Variants in SH3GL3 observed in about 807,000 individuals in gnomAD.
SH3GL3 encodes the protein SH3 domain containing GRB2 like 3, endophilin A3.
SH3GL3 carries 33 observed loss-of-function variants against 47.7 expected under a neutral mutation model. That is an observed-to-expected ratio of 0.69 (90% CI 0.52 to 0.92). SH3GL3 has a LOEUF of 0.92. SH3GL3 is among the 40% of genes least tolerant of loss of function. The probability of loss-of-function intolerance (pLI) is 0.00; values close to 1 mark genes in which losing one functional copy is unlikely to be tolerated. For missense variants in SH3GL3, 363 were observed against 417.8 expected (o/e 0.87, Z 1.14); for synonymous variants, 155 against 148.8 (o/e 1.04, Z -0.30).
At chr15:83,601,830 CTT>C (rs796770350) in intron 8 of SH3GL3, among the ~76,000 whole-genome samples, 1 of 127,876 alleles carries the variant, frequency 7.8e-6, no homozygotes, top group Admixed American at 8.2e-5. Flanking sequence ...TGGTCCTGGA[CTT>C]TTTTTTTTTT....
At chr15:83,591,414 A>G (rs2060093365) in intron 8 of SH3GL3, among the ~76,000 whole-genome samples, 3 of 151,058 alleles carry the variant, frequency 2.0e-5, no homozygotes, top group Admixed American at 6.6e-5. Context: ...TCAAACACAC[A>G]TTGCTCATAT....
intron 1 of SH3GL3, among the ~76,000 whole-genome samples, chr15:83,527,388 G>C (rs2043473456): frequency 6.6e-6 from 1 of 151,708 alleles, no homozygotes. Flanking sequence ...TATATATCTG[G>C]GTGCTTCGGT....
At chr15:83,632,881 G>T in the SH3GL3 span, among the ~76,000 whole-genome samples, 1 of 152,130 alleles carries the variant, frequency 6.6e-6, no homozygotes, top group Non-Finnish European at 1.5e-5. Context: ...AATTTAAAAT[G>T]GTCAAAAGAT....
At chr15:83,596,013 T>C (rs924806451) in intron 8 of SH3GL3, among the ~76,000 whole-genome samples, 6 of 152,214 alleles carry the variant, frequency 3.9e-5, no homozygotes, top group African/African-American at 1.4e-4. Context: ...TTTAGCGCTA[T>C]CAATTTCCCC....
intron 1 of SH3GL3, among the ~76,000 whole-genome samples, chr15:83,540,775 T>C (rs1362658425): frequency 3.9e-5 from 6 of 152,230 alleles, no homozygotes; most frequent in East Asian, 3.8e-4. Flanking sequence ...CACTTATTTC[T>C]TTGTGTTATG....
intron 1 of SH3GL3, among the ~76,000 whole-genome samples, chr15:83,520,372 A>G (rs1448068668): frequency 6.6e-6 from 1 of 152,226 alleles, no homozygotes; most frequent in East Asian, 1.9e-4. Context: ...ACTTGCAGAA[A>G]CATGAGGGAT....
intron 1 of SH3GL3, among the ~76,000 whole-genome samples, chr15:83,548,090 G>T (rs2044492896): frequency 6.6e-6 from 1 of 151,152 alleles, no homozygotes; most frequent in Admixed American, 6.6e-5. Flanking sequence ...CATTAAATTA[G>T]TACTGTATCA....
chr15:83,597,092 T>C (rs972729656), intron 8 of SH3GL3, among the ~76,000 whole-genome samples: 7 of 152,236 alleles, frequency 4.6e-5, no homozygotes, highest in Admixed American at 4.6e-4. Flanking sequence ...ATCTATTTTA[T>C]AGTTCTGGAG....
chr15:83,458,483 A>G (rs900114539), intron 1 of SH3GL3, among the ~76,000 whole-genome samples: 4 of 152,148 alleles, frequency 2.6e-5, no homozygotes, highest in Non-Finnish European at 4.4e-5. Context: ...GCTACTAAGT[A>G]CTTTGCCTGT....
the SH3GL3 span, among the ~76,000 whole-genome samples, chr15:83,630,383 A>G: frequency 6.6e-6 from 1 of 152,244 alleles, no homozygotes; most frequent in African/African-American, 2.4e-5. Context: ...AAGATACATT[A>G]GAAAAATAAA....
At chr15:83,462,509 A>T (rs545152812) in intron 1 of SH3GL3, among the ~76,000 whole-genome samples, 2 of 152,298 alleles carry the variant, frequency 1.3e-5, no homozygotes, top group East Asian at 3.9e-4. Context: ...AATTTAACCC[A>T]GTCATGGAAT....
intron 7 of SH3GL3, 83 bp from the exon 8 acceptor site, chr15:83,588,579 T>C (rs923361953): frequency 1.2e-6 from 1 of 856,736 alleles, no homozygotes. Flanking sequence ...CCTAAGTTCC[T>C]GTGCTCAACA....
chr15:83,576,718 A>G lies in SH3GL3; in HGVS notation c.601A>G (p.Met201Val), dbSNP rs746744566. Residue 201 changes from methionine (M) to valine (V), a missense_variant, in exon 6 of 9, where the codon ATG becomes GTG. Physicochemically the swap from Met to Val is conservative, Grantham distance 21. Coordinates refer to ENST00000427482, the MANE Select transcript of SH3GL3 (RefSeq NM_003027.5). ...GTCAAAGGAGTTGGCTGAAAGAAGC[A>G]TGTTTAACTTTTTAGAAAATGATGT... is the stretch of plus-strand genomic sequence containing the variant. ...EESKELAERS[M>V]FNFLENDVEQ... is the part of the protein sequence containing the mutation. 1.2e-5 allele frequency: 20 copies of G among 1,605,186 alleles called. No homozygotes were observed. Among genetic ancestry groups the G allele is most frequent in the Non-Finnish European group, 1.6e-5 (19 of 1,177,184 alleles).
chr15:83,449,106 C>T (rs751057407), intron 1 of SH3GL3, among the ~76,000 whole-genome samples: 2 of 152,066 alleles, frequency 1.3e-5, no homozygotes, highest in Non-Finnish European at 2.9e-5. Flanking sequence ...AAAGGCACAG[C>T]GAGTTAAAGG....
chr15:83,499,705 A>G (rs1344117770), intron 1 of SH3GL3, among the ~76,000 whole-genome samples: 1 of 152,258 alleles, frequency 6.6e-6, no homozygotes, highest in East Asian at 1.9e-4. Flanking sequence ...AATGGTAAAT[A>G]CCGAGAATTG....
At chr15:83,542,766 G>GT (rs960463324) in intron 1 of SH3GL3, among the ~76,000 whole-genome samples, 1 of 151,956 alleles carries the variant, frequency 6.6e-6, no homozygotes, top group Non-Finnish European at 1.5e-5. Context: ...TTTTCAGATT[G>GT]TTTTTTGTGG....
chr15:83,562,237 G>C (rs921678442), intron 2 of SH3GL3, among the ~76,000 whole-genome samples: 6 of 152,064 alleles, frequency 3.9e-5, no homozygotes, highest in African/African-American at 1.4e-4. Flanking sequence ...TTCTAGTTTT[G>C]ATGCTTGGGC....
the SH3GL3 span, among the ~76,000 whole-genome samples, chr15:83,629,236 A>T: frequency 6.6e-6 from 1 of 152,218 alleles, no homozygotes; most frequent in Admixed American, 6.5e-5. Context: ...TTCTAAAATT[A>T]TACAGAAATC....
intron 1 of SH3GL3, among the ~76,000 whole-genome samples, chr15:83,507,019 T>A (rs2042537765): frequency 6.6e-6 from 1 of 152,076 alleles, no homozygotes; most frequent in Non-Finnish European, 1.5e-5. Flanking sequence ...TACGCTTTTT[T>A]TTTTGAGACG....
Sources: allele counts gnomAD v4.1 joint callset (sites outside exome capture counted in the v4.1 genomes callset), GRCh38; gene constraint gnomAD v4.1.1; transcripts MANE v1.5; gene names NCBI Gene and HGNC (gene_info 2026-07-23, HGNC 2026-07-21).